Variants in FGF12 observed in about 807,000 individuals in gnomAD.
FGF12 encodes fibroblast growth factor 12.
Under a neutral mutation model 23.6 loss-of-function variants are expected in FGF12, and 14 were observed. That is an observed-to-expected ratio of 0.59 (90% CI 0.39 to 0.93). FGF12 has a LOEUF of 0.93. Among genes scored for constraint, FGF12 ranks in the 40% least tolerant of loss-of-function variants. FGF12 has a pLI of 0.00. For synonymous variants in FGF12, 62 were observed against 77.3 expected (o/e 0.80, Z 1.04); for missense variants, 175 against 217.8 (o/e 0.80, Z 1.24).
intron 4 of FGF12, among the ~76,000 whole-genome samples, chr3:192,268,423 G>A (rs893768885): frequency 3.3e-5 from 5 of 152,130 alleles, no homozygotes; most frequent in East Asian, 1.9e-4. Flanking sequence ...GGATGATATC[G>A]TTTGGATATC....
chr3:192,602,787 T>C (rs1560165993), intron 2 of FGF12, among the ~76,000 whole-genome samples: 1 of 150,720 alleles, frequency 6.6e-6, no homozygotes, highest in African/African-American at 2.4e-5. Context: ...GCAAAAATCC[T>C]CATCAAAATA....
intron 2 of FGF12, among the ~76,000 whole-genome samples, chr3:192,616,924 T>C (rs1714777846): frequency 6.6e-6 from 1 of 151,906 alleles, no homozygotes. Context: ...GAATGTGCAG[T>C]GCAGAAATGA....
At chr3:192,596,341 G>A (rs1713854607) in intron 2 of FGF12, among the ~76,000 whole-genome samples, 1 of 151,838 alleles carries the variant, frequency 6.6e-6, no homozygotes, top group Admixed American at 6.6e-5. Context: ...AATCCTAGTA[G>A]CCTCCTCAGT....
intron 4 of FGF12, among the ~76,000 whole-genome samples, chr3:192,175,649 C>A (rs897002564): frequency 3.9e-5 from 6 of 152,120 alleles, no homozygotes; most frequent in African/African-American, 1.4e-4. Flanking sequence ...TTGACCAATT[C>A]TTTTTCACAT....
intron 2 of FGF12, among the ~76,000 whole-genome samples, chr3:192,546,761 AG>A (rs1725504694): frequency 1.3e-4 from 1 of 7,932 alleles, no homozygotes; most frequent in Admixed American, 2.1e-3. Context: ...ACAAAATAGT[AG>A]GGTGGGCTGG....
intron 2 of FGF12, among the ~76,000 whole-genome samples, chr3:192,412,974 T>C (rs548859532): frequency 6.6e-6 from 1 of 152,344 alleles, no homozygotes; most frequent in Non-Finnish European, 1.5e-5. Flanking sequence ...GAAGACATTA[T>C]GAGTGGAAGA....
At position 192,185,401 on chromosome 3, in the gene FGF12, G is replaced by A. The variant is rs75211636; in HGVS notation, c.229-14745C>T. ...GAGTCTAGCCTGTTCCATGTCGGGAGTAGTTTGATGAAATAGCCCTTGTAA... is the reference window on the plus strand; with the variant it reads ...GAGTCTAGCCTGTTCCATGTCGGGAATAGTTTGATGAAATAGCCCTTGTAA... On this transcript the variant is annotated intron_variant, in intron 4 of 5. Transcript: ENST00000445105. Among the ~76,000 whole-genome samples the A allele has an allele frequency of 3.3e-3, 503 of 152,322 alleles. 8 individuals carry two copies. Among genetic ancestry groups the A allele is most frequent in the East Asian group, 0.031 (163 of 5,178 alleles).
At chr3:192,508,055 C>A (rs1195509226) in intron 2 of FGF12, among the ~76,000 whole-genome samples, 1 of 152,170 alleles carries the variant, frequency 6.6e-6, no homozygotes, top group Non-Finnish European at 1.5e-5. Context: ...AGAGATTCAT[C>A]TTGTGTCACT....
chr3:192,298,755 A>G (rs957219203), intron 4 of FGF12, among the ~76,000 whole-genome samples: 6 of 152,138 alleles, frequency 3.9e-5, no homozygotes, highest in African/African-American at 1.4e-4. Flanking sequence ...AGAAAAAAAA[A>G]AGAGGTTTAT....
intron 4 of FGF12, among the ~76,000 whole-genome samples, chr3:192,242,737 T>C (rs1231843561): frequency 6.6e-6 from 1 of 152,116 alleles, no homozygotes; most frequent in Admixed American, 6.6e-5. Context: ...CAGTCCTTAC[T>C]ACAATGCTAT....
chr3:192,440,634 G>A (rs772280081), intron 2 of FGF12, among the ~76,000 whole-genome samples: 7 of 152,136 alleles, frequency 4.6e-5, no homozygotes, highest in Non-Finnish European at 8.8e-5. Context: ...GATATCAGGC[G>A]ACATCTCTTA....
At chr3:192,456,489 T>C (rs1358877975) in intron 2 of FGF12, among the ~76,000 whole-genome samples, 1 of 152,194 alleles carries the variant, frequency 6.6e-6, no homozygotes, top group African/African-American at 2.4e-5. Context: ...TACAGGCTTA[T>C]TGTAGAAAAA....
intron 2 of FGF12, among the ~76,000 whole-genome samples, chr3:192,594,384 A>C (rs192487896): frequency 8.6e-5 from 13 of 152,034 alleles, no homozygotes; most frequent in African/African-American, 2.6e-4. Flanking sequence ...TTCCTTTAAA[A>C]GTAGAAGGTC....
intron 2 of FGF12, among the ~76,000 whole-genome samples, chr3:192,389,133 G>A (rs1179298061): frequency 3.9e-5 from 6 of 152,336 alleles, no homozygotes; most frequent in Admixed American, 3.3e-4. Context: ...GCCGAGGCAG[G>A]CGGATCACCA....
At chr3:192,628,451 AC>A in intron 2 of FGF12, among the ~76,000 whole-genome samples, 1 of 38,818 alleles carries the variant, frequency 2.6e-5, no homozygotes, top group Non-Finnish European at 8.0e-5. Context: ...ATACACACAC[AC>A]ACACACACAC....
At chr3:192,424,644 T>G (rs1721638684) in intron 2 of FGF12, among the ~76,000 whole-genome samples, 1 of 152,118 alleles carries the variant, frequency 6.6e-6, no homozygotes, top group African/African-American at 2.4e-5. Flanking sequence ...CTAGGGAAAA[T>G]TTCATGAAGA....
intron 4 of FGF12, among the ~76,000 whole-genome samples, chr3:192,182,347 A>G (rs1233152449): frequency 6.6e-6 from 1 of 152,202 alleles, no homozygotes; most frequent in African/African-American, 2.4e-5. Flanking sequence ...TATAGACTAC[A>G]GACCTCCAAT....
chr3:192,686,443 A>T (rs2108713960), intron 2 of FGF12, among the ~76,000 whole-genome samples: 1 of 152,232 alleles, frequency 6.6e-6, no homozygotes, highest in East Asian at 1.9e-4. Flanking sequence ...AACCCCAAAA[A>T]GTGTCCAGTT....
intron 4 of FGF12, among the ~76,000 whole-genome samples, chr3:192,262,607 C>T (rs987760536): frequency 6.6e-6 from 1 of 152,054 alleles, no homozygotes; most frequent in African/African-American, 2.4e-5. Context: ...GTATTCAGTA[C>T]CACACCATAT....
Sources: gnomAD v4.1 joint callset for allele counts (sites outside exome capture counted in the v4.1 genomes callset) on GRCh38, gnomAD v4.1.1 for gene constraint, MANE v1.5 for transcripts, NCBI Gene and HGNC (gene_info 2026-07-23, HGNC 2026-07-21) for gene names.